TXNDC11: variants seen among roughly 807,000 people sequenced by gnomAD.
TXNDC11 encodes the protein thioredoxin domain-containing protein 11.
In TXNDC11, 68 loss-of-function variants were observed where a neutral mutation model predicts 78.0. The ratio of observed to expected loss-of-function variants is 0.87; its 90% CI spans 0.72 to 1.07. TXNDC11 has a LOEUF of 1.07. TXNDC11 is among the 50% of genes least tolerant of loss of function. The probability of loss-of-function intolerance (pLI) is 0.00; values close to 1 mark genes in which losing one functional copy is unlikely to be tolerated. For synonymous variants in TXNDC11, 571 were observed against 495.2 expected, an observed-to-expected ratio of 1.15 and a Z score of -2.03; for missense variants, 1,389 against 1,221.8, an observed-to-expected ratio of 1.14 and a Z score of -2.04.
At chr16:11,726,310 C>T (rs1264056115) in intron 4 of TXNDC11, among the ~76,000 whole-genome samples, 4 of 152,036 alleles carry the variant, frequency 2.6e-5, no homozygotes, top group African/African-American at 7.2e-5. Context: ...CGGCCGTGTG[C>T]GGTGCCTCAC....
At chr16:11,696,463 G>A (rs1475896130) in intron 7 of TXNDC11, among the ~76,000 whole-genome samples, 1 of 152,170 alleles carries the variant, frequency 6.6e-6, no homozygotes, top group South Asian at 2.1e-4. Flanking sequence ...AAGACCACAG[G>A]ACAAGATGGT....
chr16:11,683,614 A>G (rs1360083633), intron 11 of TXNDC11, among the ~76,000 whole-genome samples: 3 of 152,218 alleles, frequency 2.0e-5, no homozygotes, highest in African/African-American at 7.2e-5. Context: ...ATGTTCATAC[A>G]GGCCATGAAA....
intron 4 of TXNDC11, among the ~76,000 whole-genome samples, chr16:11,729,432 TG>T (rs1245842558): frequency 6.9e-6 from 1 of 145,046 alleles, no homozygotes; most frequent in Non-Finnish European, 1.5e-5. Flanking sequence ...TACTGCTGCT[TG>T]GGGAATCTCT....
At chr16:11,692,516 A>C (rs1285272002) in intron 7 of TXNDC11, among the ~76,000 whole-genome samples, 1 of 152,178 alleles carries the variant, frequency 6.6e-6, no homozygotes, top group East Asian at 1.9e-4. Context: ...GAAACGGCAA[A>C]AGTCTCAATA....
chr16:11,730,895 C>T, intron 3 of TXNDC11, 121 bp from the exon 4 acceptor site: 1 of 738,054 alleles, frequency 1.4e-6, no homozygotes, highest in East Asian at 3.1e-5. Flanking sequence ...CTTTGGGATC[C>T]AACCAAGTCA....
chr16:11,699,650 G>T (rs1013452352), intron 6 of TXNDC11, among the ~76,000 whole-genome samples: 12 of 152,276 alleles, frequency 7.9e-5, no homozygotes, highest in Admixed American at 6.5e-4. Context: ...AAGCAAGGGG[G>T]CACCCCTGGA....
At chr16:11,706,956 C>G (rs1006217824) in intron 5 of TXNDC11, among the ~76,000 whole-genome samples, 37 of 152,064 alleles carry the variant, frequency 2.4e-4, no homozygotes, top group African/African-American at 8.9e-4. Context: ...AATTTAAAAC[C>G]CACCTATATG....
intron 1 of TXNDC11, among the ~76,000 whole-genome samples, chr16:11,736,984 A>G (rs897253112): frequency 1.3e-5 from 2 of 152,156 alleles, no homozygotes; most frequent in African/African-American, 4.8e-5. Context: ...CACCAAGTAG[A>G]AGGGCCCTAG....
In TXNDC11 at chr16:11,691,820, G is replaced by A. The variant is rs945935201; in HGVS notation, c.1370C>T (p.Ser457Leu). 7 of 1,614,246 alleles carry A rather than the reference G, an allele frequency of 4.3e-6. No homozygotes were observed. Among genetic ancestry groups the A allele is most frequent in the South Asian group, 1.1e-5 (1 of 91,086 alleles). The change falls in exon 8 of 12, where the codon TCG becomes TTG. Residue 457 changes from serine (S) to leucine (L), a missense_variant. Transcript: ENST00000283033. ...NQTSGGMKPS[S>L]VSVPQCSFFE... ...AAAGCTGCACTGTGGCACGCTGACC[G>A]AGCTCGGCTTCATGCCCCCGGAGGT...
intron 8 of TXNDC11, among the ~76,000 whole-genome samples, chr16:11,688,729 T>C (rs9937773): frequency 0.039 from 5,987 of 152,258 alleles, 415 homozygotes; most frequent in African/African-American, 0.14. Flanking sequence ...GGTCCACAAA[T>C]AGACACCAAG....
intron 5 of TXNDC11, among the ~76,000 whole-genome samples, chr16:11,702,251 G>C (rs2051052462): frequency 6.6e-6 from 1 of 152,026 alleles, no homozygotes; most frequent in African/African-American, 2.4e-5. Flanking sequence ...TTTTCATGGA[G>C]TATAATATTT....
In TXNDC11 at chr16:11,710,499, C is replaced by T. The variant is rs182562957; in HGVS notation, c.794-9935G>A. On this transcript the variant is annotated intron_variant, in intron 5 of 11. Coordinates refer to ENST00000283033, the MANE Select transcript of TXNDC11 (RefSeq NM_015914.7). ...TATTTAACAGATGGGGAACCTGAAA[C>T]CTGAAGGCCAGTGAGAAAAGGCCGC... Among the ~76,000 whole-genome samples the T allele has an allele frequency of 3.0e-4, 46 of 152,284 alleles. 1 individual carries two copies. The highest frequency in any genetic ancestry group is 8.8e-5 in the Non-Finnish European group (6 of 68,012).
chr16:11,727,378 CATTA>C (rs1424384008), intron 4 of TXNDC11, among the ~76,000 whole-genome samples: 4 of 151,216 alleles, frequency 2.6e-5, no homozygotes, highest in African/African-American at 7.3e-5. Context: ...GCCATGAAAA[CATTA>C]ATTATTTTGA....
At chr16:11,733,380 A>G (rs569983549) in intron 3 of TXNDC11, among the ~76,000 whole-genome samples, 1 of 152,166 alleles carries the variant, frequency 6.6e-6, no homozygotes, top group East Asian at 1.9e-4. Flanking sequence ...AAAAAAAATT[A>G]GCTGGGCAGG....
rs749950694 is a variant in TXNDC11 at position 11,742,849 on chromosome 16, G to C, written c.-119C>G. The C allele has an allele frequency of 3.8e-5, 50 of 1,316,156 alleles. No homozygotes were observed. Among genetic ancestry groups the C allele is most frequent in the Non-Finnish European group, 4.6e-5 (48 of 1,034,692 alleles). 81.5% of individuals were successfully genotyped at this position (1,316,156 alleles called of 1,614,324 possible). A position where few individuals can be genotyped will look rare whatever the true frequency, so the allele number is the denominator to read the frequency against. ...GCACCCGCTAACCCGGACGCTCCAC[G>C]TCAGCCGCGCCGCCGCCGCGGGGTC... On this transcript the variant is annotated 5_prime_UTR_variant, in exon 1 of 12. Transcript: ENST00000283033.
intron 2 of TXNDC11, 92 bp downstream of exon 2, chr16:11,735,925 C>T: frequency 7.9e-7 from 1 of 1,261,806 alleles, no homozygotes; most frequent in South Asian, 1.2e-5. Context: ...TTGGCAAAGT[C>T]TGCCCGTTGG....
At chr16:11,707,571 C>G (rs929364106) in intron 5 of TXNDC11, among the ~76,000 whole-genome samples, 71 of 151,842 alleles carry the variant, frequency 4.7e-4, no homozygotes, top group African/African-American at 1.6e-3. Flanking sequence ...GCCTCAGCCT[C>G]CTGAGTAGCT....
chr16:11,698,441 C>A, intron 6 of TXNDC11, 116 bp from the exon 7 acceptor site: 1 of 848,076 alleles, frequency 1.2e-6, no homozygotes, highest in Non-Finnish European at 1.9e-6. Context: ...AGGCGTGGAG[C>A]GGGGCCTGGC....
intron 11 of TXNDC11, among the ~76,000 whole-genome samples, chr16:11,680,527 G>A (rs13337456): frequency 0.028 from 4,292 of 152,242 alleles, 206 homozygotes; most frequent in African/African-American, 0.098. Flanking sequence ...TTTGTTCCAG[G>A]TCCTGATCTA....
Sources: allele counts gnomAD v4.1 joint callset (sites outside exome capture counted in the v4.1 genomes callset), GRCh38; gene constraint gnomAD v4.1.1; transcripts MANE v1.5; gene names NCBI Gene and HGNC (gene_info 2026-07-23, HGNC 2026-07-21).